ERCC6L2: variants seen among roughly 807,000 people sequenced by gnomAD.
The protein encoded by ERCC6L2 is ERCC excision repair 6 like 2.
A neutral mutation model predicts 132.0 loss-of-function variants in ERCC6L2; 77 were observed. The ratio of observed to expected loss-of-function variants is 0.58; its 90% CI spans 0.49 to 0.71. The LOEUF (loss-of-function observed/expected upper bound fraction) is 0.71. Ranked by LOEUF, ERCC6L2 falls within the 30% of genes least tolerant of loss-of-function variation. The probability of loss-of-function intolerance (pLI) is 0.00; values close to 1 mark genes in which losing one functional copy is unlikely to be tolerated. For missense variants in ERCC6L2, 1,542 were observed against 1,837.6 expected (o/e 0.84, Z 2.94); for synonymous variants, 583 against 632.4 (o/e 0.92, Z 1.17).
intron 18 of ERCC6L2, among the ~76,000 whole-genome samples, chr9:96,005,070 T>C (rs1833820749): frequency 6.6e-6 from 1 of 152,144 alleles, no homozygotes; most frequent in Non-Finnish European, 1.5e-5. Flanking sequence ...TCTCAGCACT[T>C]TGGGAGGCCG....
rs7857959 is a variant in ERCC6L2, at chr9:96,015,763, C to A, written c.*2560C>A. 1 allele frequency among the ~76,000 whole-genome samples: 152,261 copies of A among 152,262 alleles called. 76,130 individuals carry two copies. Among genetic ancestry groups the A allele is most frequent in the Non-Finnish European group, 1 (68,040 of 68,040 alleles). On this transcript the variant is annotated 3_prime_UTR_variant, in exon 19 of 19. Transcript: ENST00000653738. ...GCTTGCAGTGAGCCAGGATTGTGCCCCTGCACCCCAGCCTGGGTGACAGAG... is the reference window on the plus strand; with the variant it reads ...GCTTGCAGTGAGCCAGGATTGTGCCACTGCACCCCAGCCTGGGTGACAGAG...
intron 17 of ERCC6L2, among the ~76,000 whole-genome samples, chr9:95,981,997 T>G (rs1265211662): frequency 6.6e-6 from 1 of 152,130 alleles, no homozygotes; most frequent in Non-Finnish European, 1.5e-5. Context: ...TCTAAGAAAC[T>G]ATATCTGTAT....
chr9:95,876,116 G>A, intron 1 of ERCC6L2, 32 bp downstream of exon 1: 8 of 1,547,826 alleles, frequency 5.2e-6, no homozygotes, highest in Non-Finnish European at 7.0e-6. Context: ...CTTACGCAGA[G>A]GCCTGTGTAC....
chr9:95,877,418 A>T (rs1476135707), intron 1 of ERCC6L2, among the ~76,000 whole-genome samples: 2 of 151,782 alleles, frequency 1.3e-5, no homozygotes, highest in Non-Finnish European at 2.9e-5. Context: ...TACATTTCTC[A>T]ATACTCCCTT....
intron 9 of ERCC6L2, among the ~76,000 whole-genome samples, chr9:95,927,416 G>A (rs545883563): frequency 3.9e-4 from 60 of 152,186 alleles, no homozygotes; most frequent in African/African-American, 1.3e-3. Flanking sequence ...AGCTGTCATT[G>A]CCAGATGTGG....
chr9:95,936,060 C>A (rs1277471988), intron 11 of ERCC6L2, among the ~76,000 whole-genome samples: 1 of 152,064 alleles, frequency 6.6e-6, no homozygotes, highest in Non-Finnish European at 1.5e-5. Context: ...CAAGTGCAAT[C>A]TAATAACAGC....
intron 2 of ERCC6L2, among the ~76,000 whole-genome samples, 165 bp from the exon 3 acceptor site, chr9:95,897,680 AGTTT>A (rs1353432384): frequency 2.6e-5 from 4 of 152,178 alleles, no homozygotes; most frequent in Non-Finnish European, 5.9e-5. Context: ...AGTGAAAAAC[AGTTT>A]GTTATTACAA....
intron 17 of ERCC6L2, among the ~76,000 whole-genome samples, chr9:95,996,139 A>G (rs568759685): frequency 6.6e-6 from 1 of 152,356 alleles, no homozygotes; most frequent in East Asian, 1.9e-4. Context: ...TAAAAGTGCT[A>G]CTTCAGTGAA....
intron 16 of ERCC6L2, 40 bp from the exon 17 acceptor site, chr9:95,978,021 A>AT: frequency 7.6e-7 from 1 of 1,323,062 alleles, no homozygotes; most frequent in South Asian, 1.2e-5. Flanking sequence ...ATATTGCTTT[A>AT]TACTGATACA....
Position 96,012,997 on chromosome 9 carries a change from A to C in ERCC6L2, c.4447A>C (p.Asn1483His). The C allele has an allele frequency of 7.3e-7, 1 of 1,367,526 alleles. No homozygotes were observed. Among genetic ancestry groups the C allele is most frequent in the Non-Finnish European group, 9.8e-7 (1 of 1,021,762 alleles). 84.7% of individuals were successfully genotyped at this position (1,367,526 alleles called of 1,614,324 possible). A position where few individuals can be genotyped will look rare whatever the true frequency, so the allele number is the denominator to read the frequency against. The change falls in exon 19 of 19, where the codon AAT becomes CAT. Residue 1483 changes from asparagine (N) to histidine (H), a missense_variant. By Grantham distance (68) the Asn-to-His change is moderately conservative. Around this residue, in one of 4 missense-constraint regions of ERCC6L2, gnomAD observed 442 missense variants for 583.4 expected, o/e 0.76. Transcript: ENST00000653738. ...ACCAAAAGATTTCTGGGACATCTTG[A>C]ATGAGCAGAATGATGAGAGTCTTAG... ...QRPKDFWDIL[N>H]EQNDESLSKL...
intron 1 of ERCC6L2, among the ~76,000 whole-genome samples, chr9:95,880,562 T>C (rs941098454): frequency 2.0e-5 from 3 of 152,112 alleles, no homozygotes; most frequent in African/African-American, 7.2e-5. Flanking sequence ...GTGACCCCTA[T>C]CCACTGAATA....
rs566247112 is a variant in ERCC6L2 at position 96,011,137 on chromosome 9, A to C, written c.3675-1088A>C. ...ATACTATAGACTGGGTGGCTTAAAC[A>C]ACAGAAATTCGTGTCCACAGTTCTG... On this transcript the variant is annotated intron_variant, in intron 18 of 18. Coordinates refer to ENST00000653738, the MANE Select transcript of ERCC6L2 (RefSeq NM_020207.7). 3.9e-5 allele frequency among the ~76,000 whole-genome samples: 6 copies of C among 152,304 alleles called. No homozygotes were observed. The East Asian group carries it at 1.2e-3, about 29-fold the overall frequency.
chr9:95,984,071 CCTTT>C (rs75052014), intron 17 of ERCC6L2, among the ~76,000 whole-genome samples: 13,229 of 151,406 alleles, frequency 0.087, 643 homozygotes, highest in Admixed American at 0.13. Context: ...ATGTATCCTT[CCTTT>C]AAGATATATA....
intron 2 of ERCC6L2, among the ~76,000 whole-genome samples, chr9:95,885,227 T>C (rs1325044393): frequency 2.0e-5 from 3 of 152,226 alleles, no homozygotes; most frequent in South Asian, 2.1e-4. Flanking sequence ...ACTTAGATTC[T>C]GTTAATATTT....
chr9:95,999,641 T>G (rs962968637), intron 17 of ERCC6L2, among the ~76,000 whole-genome samples: 6 of 152,156 alleles, frequency 3.9e-5, no homozygotes, highest in African/African-American at 1.4e-4. Context: ...TTGCAAAATA[T>G]GAGGATGGTA....
At position 96,013,840 on chromosome 9, in the gene ERCC6L2, T is replaced by G. The variant is rs1010979066; in HGVS notation, c.*637T>G. The G allele has an allele frequency of 2.0e-5, 3 of 152,234 alleles. No homozygotes were observed. The highest frequency in any genetic ancestry group is 4.4e-5 in the Non-Finnish European group (3 of 68,038). The allele number at this position is 152,234 out of a possible 1,614,324, so 9.4% of individuals were successfully genotyped here. On this transcript the variant is annotated 3_prime_UTR_variant, in exon 19 of 19. Transcript: ENST00000653738. ...GGTTAATGTTATACACTTTACTATA[T>G]GAGCTGTGATTACTACCATTAGCCA... is the stretch of plus-strand genomic sequence containing the variant.
At position 95,915,766 on chromosome 9, in the gene ERCC6L2, G is replaced by A. The variant is rs760906727; in HGVS notation, c.887G>A (p.Arg296His). Reference protein sequence around the residue: ...EVMKALKCNVRIGLTGTILQN... With the variant: ...EVMKALKCNVHIGLTGTILQN... Reference sequence around the variant, plus strand: ...ATGAAAGCTTTGAAATGTAATGTCCGCATTGGCCTCACTGGAACCATCCTT... The same window carrying A: ...ATGAAAGCTTTGAAATGTAATGTCCACATTGGCCTCACTGGAACCATCCTT... The change falls in exon 5 of 19, where the codon CGC becomes CAC. Residue 296 changes from arginine (R) to histidine (H), a missense_variant. Around this residue, in one of 4 missense-constraint regions of ERCC6L2, gnomAD observed 945 missense variants for 1,105.2 expected, o/e 0.86. Coordinates refer to ENST00000653738, the MANE Select transcript of ERCC6L2 (RefSeq NM_020207.7). 10 of 1,613,752 alleles carry A rather than the reference G, an allele frequency of 6.2e-6. No homozygotes were observed. Among genetic ancestry groups the A allele is most frequent in the East Asian group, 2.2e-5 (1 of 44,860 alleles).
chr9:95,908,173 C>A lies in ERCC6L2; in HGVS notation c.788+902C>A, dbSNP rs1317958475. Among the ~76,000 whole-genome samples the A allele has an allele frequency of 2.6e-5, 4 of 152,242 alleles. 1 individual carries two copies. In the East Asian group the frequency reaches 7.7e-4, roughly 29 times the overall value. ...AATTGTGTCGCTTCTCCTCAACCCC[C>A]ATTCCACAATTTAAATGTTCAGGTC... On this transcript the variant is annotated intron_variant, in intron 4 of 18. Transcript: ENST00000653738.
chr9:95,891,226 G>A (rs901227309), intron 2 of ERCC6L2, among the ~76,000 whole-genome samples: 5 of 151,940 alleles, frequency 3.3e-5, no homozygotes, highest in African/African-American at 4.8e-5. Flanking sequence ...TCAAAAAAAA[G>A]CTCCTGTTTA....
Sources: gnomAD v4.1 joint callset for allele counts (sites outside exome capture counted in the v4.1 genomes callset) on GRCh38, gnomAD v4.1.1 for gene constraint, gnomAD v4.1.1 regional missense constraint, MANE v1.5 for transcripts, NCBI Gene and HGNC (gene_info 2026-07-23, HGNC 2026-07-21) for gene names.